FAM124A: variants seen among roughly 807,000 people sequenced by gnomAD.
The protein encoded by FAM124A is family with sequence similarity 124 member A.
A neutral mutation model predicts 24.5 loss-of-function variants in FAM124A; 23 were observed. That is an observed-to-expected ratio of 0.94 (90% CI 0.68 to 1.33). The LOEUF (loss-of-function observed/expected upper bound fraction) is 1.33. Among genes scored for constraint, FAM124A ranks in the 40% most tolerant of loss-of-function variants. The probability of loss-of-function intolerance (pLI) is 0.00; values close to 1 mark genes in which losing one functional copy is unlikely to be tolerated. For missense variants in FAM124A, 623 were observed against 722.8 expected, an observed-to-expected ratio of 0.86 and a Z score of 1.58; for synonymous variants, 287 against 314.7, an observed-to-expected ratio of 0.91 and a Z score of 0.93.
At chr13:51,270,669 C>T (rs146732572) in intron 3 of FAM124A, among the ~76,000 whole-genome samples, 139 of 152,328 alleles carry the variant, frequency 9.1e-4, no homozygotes, top group African/African-American at 3.2e-3. Context: ...CATTTTCCCC[C>T]CTTAGGCAGA....
chr13:51,225,951 A>G (rs1954310720), intron 1 of FAM124A, among the ~76,000 whole-genome samples: 1 of 138,094 alleles, frequency 7.2e-6, no homozygotes, highest in Admixed American at 7.3e-5. Flanking sequence ...AAAGATGATA[A>G]TCTGTAATGT....
At chr13:51,270,711 T>C (rs183929378) in intron 3 of FAM124A, among the ~76,000 whole-genome samples, 7 of 152,360 alleles carry the variant, frequency 4.6e-5, no homozygotes, top group African/African-American at 1.7e-4. Flanking sequence ...ATAGTTACTG[T>C]TTAGAATCTA....
At chr13:51,240,989 GC>G (rs1209376183) in intron 2 of FAM124A, among the ~76,000 whole-genome samples, 2 of 152,200 alleles carry the variant, frequency 1.3e-5, no homozygotes, top group East Asian at 3.9e-4. Flanking sequence ...TGCCCTTGCA[GC>G]CCCACATGTT....
At chr13:51,222,767 G>T (rs1954275110) in intron 1 of FAM124A, among the ~76,000 whole-genome samples, 198 bp downstream of exon 1, 1 of 152,220 alleles carries the variant, frequency 6.6e-6, no homozygotes, top group East Asian at 1.9e-4. Flanking sequence ...GAGGAAAGTG[G>T]AAGGACTCAA....
chr13:51,262,317 A>C (rs1314842804), intron 3 of FAM124A, among the ~76,000 whole-genome samples: 1 of 151,800 alleles, frequency 6.6e-6, no homozygotes, highest in South Asian at 2.1e-4. Flanking sequence ...TGATGTTTTC[A>C]TACTTTTAAT....
At position 51,282,388 on chromosome 13, in the gene FAM124A, C is replaced by T. The variant is rs1257857092; in HGVS notation, c.*1132C>T. On this transcript the variant is annotated 3_prime_UTR_variant, in exon 4 of 4. Coordinates refer to ENST00000322475, the MANE Select transcript of FAM124A (RefSeq NM_001242312.2). Reference sequence around the variant, plus strand: ...GATTGCATGGGAGCTTTAATTAACGCTGGAGCCCAGCAACCTTGGCTTTTC... The same window carrying T: ...GATTGCATGGGAGCTTTAATTAACGTTGGAGCCCAGCAACCTTGGCTTTTC... The T allele has an allele frequency of 6.6e-6, 1 of 152,230 alleles. No homozygotes were observed. The highest frequency in any genetic ancestry group is 1.5e-5 in the Non-Finnish European group (1 of 68,044). The allele number at this position is 152,230 out of a possible 1,614,324, so 9.4% of individuals were successfully genotyped here.
intron 2 of FAM124A, among the ~76,000 whole-genome samples, chr13:51,236,918 A>G (rs112442472): frequency 8.3e-4 from 127 of 152,320 alleles, no homozygotes; most frequent in African/African-American, 2.8e-3. Flanking sequence ...GTCTTATTCC[A>G]TAAGATCTAG....
At chr13:51,225,361 T>C (rs9526736) in intron 1 of FAM124A, 49,693 of 152,128 alleles carry the variant, frequency 0.33, 9,488 homozygotes, top group Non-Finnish European at 0.43. Flanking sequence ...CTGAAGGTAA[T>C]AGCAAGCACT....
At chr13:51,278,852 C>A (rs895952746) in intron 3 of FAM124A, among the ~76,000 whole-genome samples, 1 of 152,170 alleles carries the variant, frequency 6.6e-6, no homozygotes, top group East Asian at 1.9e-4. Flanking sequence ...TGATTTTAAG[C>A]CAAATTGAAC....
chr13:51,233,815 A>AT (rs1954405889), intron 2 of FAM124A, among the ~76,000 whole-genome samples: 1 of 152,362 alleles, frequency 6.6e-6, no homozygotes, highest in East Asian at 1.9e-4. Flanking sequence ...TCCTAAGTAG[A>AT]TTTTTAAAAT....
intron 1 of FAM124A, 67 bp downstream of exon 1, chr13:51,222,636 G>A (rs2137635285): frequency 4.2e-6 from 5 of 1,192,744 alleles, no homozygotes; most frequent in Non-Finnish European, 3.1e-6. Context: ...CTCCTCCCCG[G>A]ACGGGGACCC....
chr13:51,250,600 G>A lies in FAM124A; in HGVS notation c.101-868G>A, dbSNP rs150689388. Among the ~76,000 whole-genome samples, 385 of 152,322 alleles carry A rather than the reference G, an allele frequency of 2.5e-3. 2 individuals carry two copies. Among genetic ancestry groups the A allele is most frequent in the African/African-American group, 8.7e-3 (360 of 41,566 alleles). On this transcript the variant is annotated intron_variant, in intron 2 of 3. Coordinates refer to ENST00000322475, the MANE Select transcript of FAM124A (RefSeq NM_001242312.2). The stretch of plus-strand genomic sequence containing the variant: ...TGTTCCGCCAGAGATCACAGGGAGG[G>A]TAACCGACCCATTCAAGTTGTGTGG...
chr13:51,225,976 CTT>C (rs780570797), intron 1 of FAM124A, among the ~76,000 whole-genome samples: 21 of 67,574 alleles, frequency 3.1e-4, no homozygotes, highest in African/African-American at 1.5e-3. Flanking sequence ...TGCTTGCTTT[CTT>C]TTTTTTTTTT....
At chr13:51,226,180 T>A (rs1954314615) in intron 1 of FAM124A, among the ~76,000 whole-genome samples, 1 of 151,516 alleles carries the variant, frequency 6.6e-6, no homozygotes, top group Non-Finnish European at 1.5e-5. Flanking sequence ...TTTATTTTTA[T>A]AAACACAAGG....
In FAM124A at chr13:51,281,294, G is replaced by A. The variant is rs757656073; in HGVS notation, c.*38G>A. On this transcript the variant is annotated 3_prime_UTR_variant, in exon 4 of 4. Transcript: ENST00000322475. ...CTTGTTCTCGAAACACACAAACTCA[G>A]AGACACAGACTCAGGCCCCACTGCC... The A allele has an allele frequency of 1.6e-5, 24 of 1,519,026 alleles. 1 individual carries two copies. The South Asian group carries it at 3.0e-4, about 19-fold the overall frequency. The allele number at this position is 1,519,026 out of a possible 1,614,324, so 94.1% of individuals were successfully genotyped here. A position where few individuals can be genotyped will look rare whatever the true frequency, so the allele number is the denominator to read the frequency against.
At chr13:51,228,627 CA>C (rs1954340793) in intron 1 of FAM124A, among the ~76,000 whole-genome samples, 1 of 152,250 alleles carries the variant, frequency 6.6e-6, no homozygotes, top group South Asian at 2.1e-4. Context: ...AAAACTTGTC[CA>C]GAGTACAGAC....
intron 3 of FAM124A, among the ~76,000 whole-genome samples, chr13:51,266,917 C>G (rs1593607760): frequency 1.3e-5 from 2 of 152,222 alleles, no homozygotes; most frequent in East Asian, 3.8e-4. Context: ...AGAGTGCCTG[C>G]TCTGTGCCAG....
intron 2 of FAM124A, among the ~76,000 whole-genome samples, chr13:51,240,890 A>C (rs1954483855): frequency 6.6e-6 from 1 of 152,060 alleles, no homozygotes; most frequent in Non-Finnish European, 1.5e-5. Flanking sequence ...CTTTCTCAGA[A>C]CGCTTCTGGC....
At chr13:51,254,396 C>CCT (rs1555274341) in intron 3 of FAM124A, among the ~76,000 whole-genome samples, 29 of 151,632 alleles carry the variant, frequency 1.9e-4, no homozygotes, top group African/African-American at 7.0e-4. Flanking sequence ...AAAGTTGAAA[C>CCT]TTTTTTTTTC....
Sources: allele counts gnomAD v4.1 joint callset (sites outside exome capture counted in the v4.1 genomes callset), GRCh38; gene constraint gnomAD v4.1.1; transcripts MANE v1.5; gene names NCBI Gene and HGNC (gene_info 2026-07-23, HGNC 2026-07-21).